Variants in CPNE5 observed in about 807,000 individuals in gnomAD.
CPNE5 encodes copine-5.
In CPNE5, 42 loss-of-function variants were observed where a neutral mutation model predicts 81.1. That is an observed-to-expected ratio of 0.52 (90% CI 0.40 to 0.67). The LOEUF (loss-of-function observed/expected upper bound fraction) is 0.67. Among genes scored for constraint, CPNE5 ranks in the 30% least tolerant of loss-of-function variants. CPNE5 has a pLI of 0.00. For missense variants in CPNE5, 612 were observed against 815.5 expected, an observed-to-expected ratio of 0.75 and a Z score of 3.04; for synonymous variants, 313 against 321.5, an observed-to-expected ratio of 0.97 and a Z score of 0.28.
At position 36,741,825 on chromosome 6, in the gene CPNE5, G is replaced by T; in HGVS notation, c.*443C>A. The T allele has an allele frequency of 6.0e-6, 1 of 166,198 alleles. No homozygotes were observed. The highest frequency in any genetic ancestry group is 1.3e-5 in the Non-Finnish European group (1 of 77,526). The allele number at this position is 166,198 out of a possible 1,614,324, so 10.3% of individuals were successfully genotyped here. A position where few individuals can be genotyped will look rare whatever the true frequency, so the allele number is the denominator to read the frequency against. ...GGGGTTCACTGGAAATCGGGCACAG[G>T]ATAGACCACAGGGCGGGGCTCAGGG... is the stretch of plus-strand genomic sequence containing the variant. On this transcript the variant is annotated 3_prime_UTR_variant, in exon 21 of 21. Coordinates refer to ENST00000244751, the MANE Select transcript of CPNE5 (RefSeq NM_020939.2).
At chr6:36,770,930 G>A (rs1766985775) in intron 10 of CPNE5, among the ~76,000 whole-genome samples, 1 of 151,936 alleles carries the variant, frequency 6.6e-6, no homozygotes. Context: ...GTAAGAATCT[G>A]GCTGCCGATC....
intron 4 of CPNE5, among the ~76,000 whole-genome samples, 165 bp from the exon 5 acceptor site, chr6:36,798,659 G>A (rs765458963): frequency 1.3e-5 from 2 of 152,180 alleles, no homozygotes; most frequent in African/African-American, 2.4e-5. Flanking sequence ...AGCCTTCTGG[G>A]TGCTGGACAT....
chr6:36,820,472 G>A (rs924232771), intron 3 of CPNE5, among the ~76,000 whole-genome samples: 9 of 150,172 alleles, frequency 6.0e-5, no homozygotes, highest in Admixed American at 5.4e-4. Flanking sequence ...CTCCCAAATA[G>A]CTGGGACTAC....
At chr6:36,808,061 T>C (rs1249774937) in intron 3 of CPNE5, among the ~76,000 whole-genome samples, 2 of 151,894 alleles carry the variant, frequency 1.3e-5, no homozygotes, top group Non-Finnish European at 2.9e-5. Flanking sequence ...CAGGAAGAGG[T>C]GCCCTCTCTG....
At position 36,743,732 on chromosome 6, in the gene CPNE5, C is replaced by T. The variant is rs1041997010; in HGVS notation, c.1520G>A (p.Arg507Gln). ...AMVELDGDDV[R>Q]ISSRGKLAER... ...AGCCAGCTTCCCCCGGGAGGAGATC[C>T]GCACGTCGTCGCCATCCAGCTCCAC... The change falls in exon 20 of 21, where the codon CGG becomes CAG. Residue 507 changes from arginine (R) to glutamine (Q), a missense_variant. Coordinates refer to ENST00000244751, the MANE Select transcript of CPNE5 (RefSeq NM_020939.2). The T allele has an allele frequency of 8.1e-6, 13 of 1,612,780 alleles. No individual in the cohort carries two copies. Among genetic ancestry groups the T allele is most frequent in the African/African-American group, 2.7e-5 (2 of 75,068 alleles).
chr6:36,837,630 T>G (rs1036023550), intron 1 of CPNE5, among the ~76,000 whole-genome samples: 2 of 152,108 alleles, frequency 1.3e-5, no homozygotes, highest in African/African-American at 2.4e-5. Flanking sequence ...GACAATGATT[T>G]GAGCTGTGTG....
intron 1 of CPNE5, among the ~76,000 whole-genome samples, chr6:36,836,008 T>A (rs1214991314): frequency 2.6e-5 from 4 of 152,180 alleles, no homozygotes; most frequent in Non-Finnish European, 5.9e-5. Flanking sequence ...AACTGAGGCA[T>A]AGACAGCTTA....
rs1763789147 is a variant in CPNE5 at position 36,743,708 on chromosome 6, G to T, written c.1544C>A (p.Ala515Asp). 2 of 1,613,328 alleles carry T rather than the reference G, an allele frequency of 1.2e-6. No individual in the cohort carries two copies. The highest frequency in any genetic ancestry group is 1.7e-6 in the Non-Finnish European group (2 of 1,179,984). Residue 515 changes from alanine (A) to aspartate (D), a missense_variant, in exon 20 of 21, where the codon GCT (alanine) becomes GAT (aspartate). Ala to Asp is a moderately radical substitution (Grantham distance 126). Coordinates refer to ENST00000244751, the MANE Select transcript of CPNE5 (RefSeq NM_020939.2). ...DVRISSRGKL[A>D]ERDIVQFVPF... Reference sequence around the variant, plus strand: ...CTTCACCTGGACGATGTCGCGTTCAGCCAGCTTCCCCCGGGAGGAGATCCG... The same window carrying T: ...CTTCACCTGGACGATGTCGCGTTCATCCAGCTTCCCCCGGGAGGAGATCCG...
intron 12 of CPNE5, chr6:36,757,382 T>C (rs1035271875): frequency 6.1e-6 from 6 of 985,110 alleles, no homozygotes; most frequent in Admixed American, 1.2e-4. Flanking sequence ...TGGTCTCTTC[T>C]GTCTGGGTGA....
chr6:36,764,038 T>C (rs559514836), intron 11 of CPNE5, among the ~76,000 whole-genome samples: 46 of 152,164 alleles, frequency 3.0e-4, no homozygotes, highest in Admixed American at 2.6e-3. Context: ...GCCTGGGGCA[T>C]CCAGCCGGAG....
intron 1 of CPNE5, chr6:36,827,644 T>TGA: frequency 1.0e-6 from 1 of 985,402 alleles, no homozygotes; most frequent in South Asian, 4.7e-5. Context: ...GTAAAGCGCC[T>TGA]TCCCCACTGA....
intron 1 of CPNE5, among the ~76,000 whole-genome samples, chr6:36,826,725 G>T (rs73416275): frequency 0.021 from 3,176 of 152,328 alleles, 121 homozygotes; most frequent in African/African-American, 0.072. Flanking sequence ...GGCCAGATGG[G>T]TGAGCGAAGC....
At chr6:36,820,950 G>GA (rs1229511919) in intron 3 of CPNE5, among the ~76,000 whole-genome samples, 40 of 143,318 alleles carry the variant, frequency 2.8e-4, no homozygotes, top group South Asian at 1.8e-3. Flanking sequence ...CTGTCTCAAG[G>GA]AAAAAAAAAA....
chr6:36,747,357 A>ACCT (rs1182141941), intron 15 of CPNE5, among the ~76,000 whole-genome samples: 1 of 152,088 alleles, frequency 6.6e-6, no homozygotes, highest in Non-Finnish European at 1.5e-5. Flanking sequence ...AATCCTGTCT[A>ACCT]CCTCCTGCTA....
Position 36,744,280 on chromosome 6 carries a change from C to T in CPNE5, c.1477G>A (p.Ala493Thr), listed in dbSNP as rs1430328190. ...MSIIIVGVGQ[A>T]EFDAMVELDG... ...CAGCTGGACTCACCGTCGAACTCTG[C>T]CTGGCCCACGCCGACGATAATGATG... Residue 493 changes from alanine to threonine, a missense_variant, in exon 19 of 21, where the codon GCA becomes ACA. Transcript: ENST00000244751. The T allele has an allele frequency of 6.3e-7, 1 of 1,581,240 alleles. No homozygotes were observed. Among genetic ancestry groups the T allele is most frequent in the Admixed American group, 1.9e-5 (1 of 53,360 alleles).
At chr6:36,798,815 C>G (rs143845418) in intron 4 of CPNE5, among the ~76,000 whole-genome samples, 10 of 152,250 alleles carry the variant, frequency 6.6e-5, no homozygotes, top group Non-Finnish European at 1.2e-4. Context: ...GAGCTCTGTT[C>G]ACAGGTGGCT....
At chr6:36,839,649 C>A, upstream of CPNE5, 1 of 330,280 alleles carries the variant, frequency 3.0e-6, no homozygotes, top group Non-Finnish European at 5.4e-6. This position sits in a 1 kb window ranked among gnomAD's most constrained non-coding sequence, Gnocchi z 7.3. Flanking sequence ...AGCGGGGGCA[C>A]AGCGGGGAAG....
chr6:36,798,247 T>C lies in CPNE5; in HGVS notation c.328-6A>G, dbSNP rs1437132338. ...AAGGCCTGGCCCAGGAAATCCTGCA[T>C]ATCCAGGGAACAGAAGAGACCAGTG... On this transcript the variant is annotated splice_region_variant and splice_polypyrimidine_tract_variant and intron_variant, in intron 5 of 20. Coordinates refer to ENST00000244751, the MANE Select transcript of CPNE5 (RefSeq NM_020939.2). 4 of 1,612,530 alleles carry C rather than the reference T, an allele frequency of 2.5e-6. No homozygotes were observed. Among genetic ancestry groups the C allele is most frequent in the African/African-American group, 2.7e-5 (2 of 74,866 alleles).
At chr6:36,756,103 T>TC in intron 13 of CPNE5, 142 bp downstream of exon 13, 1 of 287,630 alleles carries the variant, frequency 3.5e-6, no homozygotes, top group Non-Finnish European at 6.7e-6. Flanking sequence ...GCCCCACCCC[T>TC]CCCCACCCCA....
Sources: allele counts gnomAD v4.1 joint callset (sites outside exome capture counted in the v4.1 genomes callset), GRCh38; gene constraint gnomAD v4.1.1; non-coding constraint Gnocchi (gnomAD v3.1); transcripts MANE v1.5; gene names NCBI Gene and HGNC (gene_info 2026-07-23, HGNC 2026-07-21).